CADPS2: variants seen among roughly 807,000 people sequenced by gnomAD.
CADPS2 encodes the protein calcium-dependent secretion activator 2.
Under a neutral mutation model 172.5 loss-of-function variants are expected in CADPS2, and 93 were observed. The ratio of observed to expected loss-of-function variants is 0.54; its 90% CI spans 0.46 to 0.64. The LOEUF (loss-of-function observed/expected upper bound fraction) is 0.64. CADPS2 is among the 30% of genes least tolerant of loss of function. The probability of loss-of-function intolerance (pLI) is 0.00; values close to 1 mark genes in which losing one functional copy is unlikely to be tolerated. For synonymous variants in CADPS2, 546 were observed against 555.2 expected (o/e 0.98, Z 0.23); for missense variants, 1,420 against 1,565.9 (o/e 0.91, Z 1.57).
chr7:122,466,567 A>G (rs1225270147), intron 14 of CADPS2, among the ~76,000 whole-genome samples: 1 of 152,188 alleles, frequency 6.6e-6, no homozygotes, highest in Non-Finnish European at 1.5e-5. Flanking sequence ...TGTTTGTGGT[A>G]TGTTGTCATA....
At chr7:122,389,936 G>C (rs866765735) in intron 22 of CADPS2, among the ~76,000 whole-genome samples, 1 of 151,828 alleles carries the variant, frequency 6.6e-6, no homozygotes, top group Admixed American at 6.6e-5. Flanking sequence ...ACATTGTTTC[G>C]CTAAATATAT....
intron 17 of CADPS2, among the ~76,000 whole-genome samples, chr7:122,437,338 G>A (rs192562159): frequency 2.0e-5 from 3 of 152,002 alleles, no homozygotes; most frequent in African/African-American, 4.8e-5. Context: ...GTTGGTTATC[G>A]TATGCTTGTT....
chr7:122,537,628 A>G (rs2062446758), intron 8 of CADPS2, among the ~76,000 whole-genome samples: 1 of 151,926 alleles, frequency 6.6e-6, no homozygotes, highest in South Asian at 2.1e-4. Context: ...ACTGGGAAAA[A>G]TAAGCTGAAT....
chr7:122,644,330 C>G (rs1226842397), intron 3 of CADPS2, among the ~76,000 whole-genome samples: 1 of 152,204 alleles, frequency 6.6e-6, no homozygotes, highest in South Asian at 2.1e-4. Flanking sequence ...ATTTCTCTTG[C>G]CTGGGATCCT....
At chr7:122,844,278 T>C (rs1371855152) in intron 1 of CADPS2, among the ~76,000 whole-genome samples, 1 of 152,242 alleles carries the variant, frequency 6.6e-6, no homozygotes, top group African/African-American at 2.4e-5. Context: ...TGAAACTTTA[T>C]CCTTTAAAAT....
chr7:122,757,350 A>G (rs1239165800), intron 1 of CADPS2, among the ~76,000 whole-genome samples: 1 of 151,894 alleles, frequency 6.6e-6, no homozygotes. Flanking sequence ...GGTTTCGCCA[A>G]GTTGTCCAGG....
intron 14 of CADPS2, among the ~76,000 whole-genome samples, chr7:122,469,561 C>T (rs1466962704): frequency 6.6e-6 from 1 of 152,136 alleles, no homozygotes; most frequent in Non-Finnish European, 1.5e-5. Context: ...GGGGAAAAAA[C>T]TACTAAAATC....
chr7:122,487,083 T>C (rs2152290662), intron 11 of CADPS2, among the ~76,000 whole-genome samples: 1 of 150,702 alleles, frequency 6.6e-6, no homozygotes, highest in Admixed American at 6.7e-5. Context: ...TGGCGCTATT[T>C]CACTGCAACC....
Position 122,498,291 on chromosome 7 carries a change from C to T in CADPS2, c.1543-6871G>A, listed in dbSNP as rs566695755. On this transcript the variant is annotated intron_variant, in intron 9 of 29. Coordinates refer to ENST00000449022, the MANE Select transcript of CADPS2 (RefSeq NM_017954.11). The stretch of plus-strand genomic sequence containing the variant: ...GATTGTTCTTACATGTTCTCTTAAT[C>T]TTTGTCATTTTGCACTTTCATCATG... Among the ~76,000 whole-genome samples, 7 of 152,184 alleles carry T rather than the reference C, an allele frequency of 4.6e-5. No homozygotes were observed. The South Asian group carries it at 1.5e-3, about 32-fold the overall frequency.
chr7:122,714,903 C>T (rs141884701), intron 2 of CADPS2, among the ~76,000 whole-genome samples: 150 of 152,162 alleles, frequency 9.9e-4, no homozygotes, highest in African/African-American at 3.5e-3. Context: ...ATCAGAATCT[C>T]GTTTTATCAA....
chr7:122,747,766 G>A (rs2092778497), intron 1 of CADPS2, among the ~76,000 whole-genome samples: 1 of 152,078 alleles, frequency 6.6e-6, no homozygotes, highest in Admixed American at 6.6e-5. Context: ...AGCTTGAAGA[G>A]GTAAAAGCTC....
At chr7:122,526,931 G>A (rs956227325) in intron 8 of CADPS2, among the ~76,000 whole-genome samples, 12 of 152,080 alleles carry the variant, frequency 7.9e-5, no homozygotes, top group African/African-American at 2.9e-4. Context: ...CCTTCATATG[G>A]CAGACACTCC....
intron 3 of CADPS2, among the ~76,000 whole-genome samples, chr7:122,639,481 G>A (rs910315000): frequency 1.6e-4 from 24 of 152,146 alleles, no homozygotes; most frequent in African/African-American, 4.6e-4. Context: ...CTTTGGCTAC[G>A]TAATCACCCA....
chr7:122,649,593 T>C lies in CADPS2; in HGVS notation c.786+13644A>G, dbSNP rs150172966. On this transcript the variant is annotated intron_variant, in intron 3 of 29. Transcript: ENST00000449022. Reference sequence around the variant, plus strand: ...ATTAAAGCTCTTCTATTCATTCTAATGTGCATACAAAGTTGGAGAGCACTA... The same window carrying C: ...ATTAAAGCTCTTCTATTCATTCTAACGTGCATACAAAGTTGGAGAGCACTA... Among the ~76,000 whole-genome samples, 15 of 152,332 alleles carry C rather than the reference T, an allele frequency of 9.8e-5. No individual in the cohort carries two copies. The East Asian group carries it at 2.3e-3, about 24-fold the overall frequency.
At chr7:122,392,257 T>C (rs2044463194) in intron 22 of CADPS2, among the ~76,000 whole-genome samples, 1 of 152,128 alleles carries the variant, frequency 6.6e-6, no homozygotes, top group African/African-American at 2.4e-5. Context: ...TAAATTATAA[T>C]GATGATGCCT....
At chr7:122,531,660 T>C (rs77858997) in intron 8 of CADPS2, among the ~76,000 whole-genome samples, 419 of 152,306 alleles carry the variant, frequency 2.8e-3, no homozygotes, top group Non-Finnish European at 5.0e-3. Context: ...TTCAAAGAAT[T>C]ATCCAGAGGA....
At chr7:122,623,727 A>G (rs543195365) in intron 4 of CADPS2, among the ~76,000 whole-genome samples, 2 of 152,160 alleles carry the variant, frequency 1.3e-5, no homozygotes, top group Admixed American at 6.6e-5. Flanking sequence ...CTTATTAATT[A>G]TGCGTTGAAT....
intron 1 of CADPS2, among the ~76,000 whole-genome samples, chr7:122,846,262 C>T (rs1389441675): frequency 2.6e-5 from 4 of 152,084 alleles, no homozygotes; most frequent in Non-Finnish European, 5.9e-5. Flanking sequence ...ACTGATTTAA[C>T]AACCCAGTGC....
intron 8 of CADPS2, among the ~76,000 whole-genome samples, chr7:122,537,475 A>G (rs2131485867): frequency 6.6e-6 from 1 of 152,018 alleles, no homozygotes; most frequent in Admixed American, 6.6e-5. Context: ...AACTCAACAT[A>G]AGCAGAAAAA....
Sources: gnomAD v4.1 joint callset for allele counts (sites outside exome capture counted in the v4.1 genomes callset) on GRCh38, gnomAD v4.1.1 for gene constraint, MANE v1.5 for transcripts, NCBI Gene and HGNC (gene_info 2026-07-23, HGNC 2026-07-21) for gene names.